Variants in NKAIN2 observed in about 807,000 individuals in gnomAD.
NKAIN2 encodes sodium/potassium-transporting ATPase subunit beta-1-interacting protein 2.
In NKAIN2, 14 loss-of-function variants were observed where a neutral mutation model predicts 32.6. The observed-to-expected ratio is 0.43, with a 90% confidence interval of 0.28 to 0.67. The LOEUF (loss-of-function observed/expected upper bound fraction) is 0.67. NKAIN2 is among the 30% of genes least tolerant of loss of function. The pLI is 0.17. For synonymous variants in NKAIN2, 80 were observed against 87.2 expected (o/e 0.92, Z 0.46); for missense variants, 198 against 258.3 (o/e 0.77, Z 1.60).
chr6:123,941,727 G>C (rs763067533), intron 1 of NKAIN2, among the ~76,000 whole-genome samples: 5 of 151,958 alleles, frequency 3.3e-5, no homozygotes, highest in African/African-American at 4.8e-5. Flanking sequence ...AGAATCTGTT[G>C]CTCTGCTTCG....
intron 5 of NKAIN2, among the ~76,000 whole-genome samples, chr6:124,792,378 T>C (rs1241354677): frequency 6.6e-6 from 1 of 152,160 alleles, no homozygotes; most frequent in Non-Finnish European, 1.5e-5. Flanking sequence ...CACTTTTCAA[T>C]CGTACTCATA....
At chr6:124,150,772 CG>C (rs1787677186) in intron 1 of NKAIN2, among the ~76,000 whole-genome samples, 1 of 152,022 alleles carries the variant, frequency 6.6e-6, no homozygotes, top group Admixed American at 6.6e-5. Flanking sequence ...AACTACACTC[CG>C]GGAGGCCTTC....
At position 123,852,504 on chromosome 6, in the gene NKAIN2, T is replaced by C. The variant is rs181817686; in HGVS notation, c.54+48250T>C. Among the ~76,000 whole-genome samples, 564 of 152,280 alleles carry C rather than the reference T, an allele frequency of 3.7e-3. 4 individuals are homozygous for C. The highest frequency in any genetic ancestry group is 0.013 in the African/African-American group (548 of 41,570). On this transcript the variant is annotated intron_variant, in intron 1 of 6. Transcript: ENST00000368417. ...TACATGATCCAGCAATCCCCTTAAC[T>C]GAGTATATATTCAAAGGAAATAAAA...
intron 3 of NKAIN2, among the ~76,000 whole-genome samples, chr6:124,357,651 G>A (rs1202579245): frequency 6.6e-6 from 1 of 152,108 alleles, no homozygotes; most frequent in African/African-American, 2.4e-5. Context: ...TGAAAGAAAT[G>A]TATTTATTTC....
At chr6:124,810,766 G>T (rs944360511) in intron 5 of NKAIN2, among the ~76,000 whole-genome samples, 1 of 152,082 alleles carries the variant, frequency 6.6e-6, no homozygotes, top group Non-Finnish European at 1.5e-5. Flanking sequence ...AGGAAGCGAA[G>T]CATCTGCGGT....
Position 124,571,524 on chromosome 6 carries a change from G to A in NKAIN2, c.274-86662G>A, listed in dbSNP as rs534132491. ...ATGAGATCTGATGGATTTATCAGGG[G>A]TTTCTGCTTTTGCTTCTTCCTCATA... is the stretch of plus-strand genomic sequence containing the variant. On this transcript the variant is annotated intron_variant, in intron 3 of 6. Transcript: ENST00000368417. Among the ~76,000 whole-genome samples, 399 of 152,238 alleles carry A rather than the reference G, an allele frequency of 2.6e-3. 3 individuals are homozygous for A. The highest frequency in any genetic ancestry group is 0.017 in the Middle Eastern group (5 of 294).
chr6:124,769,149 T>TG (rs1265747543), intron 4 of NKAIN2, among the ~76,000 whole-genome samples: 12 of 152,176 alleles, frequency 7.9e-5, no homozygotes. Flanking sequence ...GTGAGCAGCC[T>TG]GTGGTTTTGT....
At chr6:123,836,872 A>G (rs1774651715) in intron 1 of NKAIN2, among the ~76,000 whole-genome samples, 1 of 152,154 alleles carries the variant, frequency 6.6e-6, no homozygotes, top group African/African-American at 2.4e-5. Context: ...ATCAAAAAAT[A>G]AAATATTATG....
chr6:124,165,890 C>A, intron 1 of NKAIN2, among the ~76,000 whole-genome samples: 4 of 115,832 alleles, frequency 3.5e-5, no homozygotes, highest in South Asian at 3.3e-4. Context: ...TGTATATGTG[C>A]CACATTTTCT....
chr6:124,228,819 C>T (rs1324759271), intron 1 of NKAIN2, among the ~76,000 whole-genome samples: 8 of 151,990 alleles, frequency 5.3e-5, no homozygotes, highest in African/African-American at 1.4e-4. Context: ...AATGGTGCTT[C>T]AAAATTGTCA....
chr6:123,923,645 C>A (rs2114498601), intron 1 of NKAIN2, among the ~76,000 whole-genome samples: 1 of 151,474 alleles, frequency 6.6e-6, no homozygotes, highest in Middle Eastern at 3.4e-3. Context: ...TTTGTAGGGA[C>A]ATGGATGAAA....
chr6:124,137,093 G>A (rs1475466593), intron 1 of NKAIN2, among the ~76,000 whole-genome samples: 1 of 151,860 alleles, frequency 6.6e-6, no homozygotes, highest in African/African-American at 2.4e-5. Context: ...TGATATTATT[G>A]TATACTTAAA....
At chr6:124,790,070 G>T (rs768396454) in intron 4 of NKAIN2, among the ~76,000 whole-genome samples, 1 of 152,024 alleles carries the variant, frequency 6.6e-6, no homozygotes, top group East Asian at 1.9e-4. Context: ...GCTGCTTCCT[G>T]TATTGTCCAG....
intron 4 of NKAIN2, among the ~76,000 whole-genome samples, chr6:124,786,322 T>C (rs1000268593): frequency 6.6e-6 from 1 of 152,142 alleles, no homozygotes; most frequent in African/African-American, 2.4e-5. Context: ...TTTTTAGTTA[T>C]ACTTAATAGG....
intron 1 of NKAIN2, among the ~76,000 whole-genome samples, chr6:124,149,334 G>A (rs1787580762): frequency 6.6e-6 from 1 of 152,084 alleles, no homozygotes; most frequent in Non-Finnish European, 1.5e-5. Context: ...TACTTTTAGT[G>A]CTGTAATTAA....
chr6:124,117,105 G>A (rs1582675717), intron 1 of NKAIN2, among the ~76,000 whole-genome samples: 1 of 151,754 alleles, frequency 6.6e-6, no homozygotes, highest in Non-Finnish European at 1.5e-5. Context: ...GGCATGAGAG[G>A]TAAAGGTGGG....
intron 1 of NKAIN2, among the ~76,000 whole-genome samples, chr6:123,962,779 G>C (rs183489495): frequency 1.5e-3 from 232 of 152,274 alleles, no homozygotes; most frequent in Middle Eastern, 3.4e-3. Context: ...GCTTGGCTCA[G>C]AGCCATTATT....
In NKAIN2 at chr6:124,688,586, G is replaced by T. The variant is rs141138676; in HGVS notation, c.474+30200G>T. On this transcript the variant is annotated intron_variant, in intron 4 of 6. Transcript: ENST00000368417. ...TATCTACCATTGTAGCATCATATAT[G>T]GTATTTTCACTGCCCTAAAAATTCA... Among the ~76,000 whole-genome samples, 310 of 151,922 alleles carry T rather than the reference G, an allele frequency of 2.0e-3. 1 individual carries two copies. The highest frequency in any genetic ancestry group is 7.2e-3 in the African/African-American group (299 of 41,450).
chr6:124,482,089 G>A, intron 3 of NKAIN2, among the ~76,000 whole-genome samples: 1 of 152,050 alleles, frequency 6.6e-6, no homozygotes, highest in East Asian at 1.9e-4. Context: ...AATTTATCTG[G>A]GTTAGAAAGC....
Sources: allele counts gnomAD v4.1 joint callset (sites outside exome capture counted in the v4.1 genomes callset), GRCh38; gene constraint gnomAD v4.1.1; transcripts MANE v1.5; gene names NCBI Gene and HGNC (gene_info 2026-07-23, HGNC 2026-07-21).